PTPRK: variants seen among roughly 807,000 people sequenced by gnomAD.
PTPRK encodes the protein protein tyrosine phosphatase receptor type K.
PTPRK carries 75 observed loss-of-function variants against 178.0 expected under a neutral mutation model. The ratio of observed to expected loss-of-function variants is 0.42; its 90% CI spans 0.35 to 0.51. PTPRK has a LOEUF of 0.51. PTPRK is among the 20% of genes least tolerant of loss of function. PTPRK has a pLI of 0.02. For synonymous variants in PTPRK, 637 were observed against 620.6 expected, an observed-to-expected ratio of 1.03 and a Z score of -0.39; for missense variants, 1,441 against 1,797.8, an observed-to-expected ratio of 0.80 and a Z score of 3.59.
chr6:128,141,486 A>G (rs909799929), intron 7 of PTPRK, among the ~76,000 whole-genome samples: 6 of 151,890 alleles, frequency 4.0e-5, no homozygotes, highest in Admixed American at 1.3e-4. Flanking sequence ...TTAGTCATTC[A>G]CATATAACTT....
intron 1 of PTPRK, among the ~76,000 whole-genome samples, chr6:128,482,090 G>A (rs545216429): frequency 1.3e-5 from 2 of 152,036 alleles, no homozygotes; most frequent in Non-Finnish European, 2.9e-5. Context: ...TTTCTTTTTG[G>A]TTGTTTGTTT....
chr6:128,398,609 G>T (rs540308425), intron 1 of PTPRK, among the ~76,000 whole-genome samples: 1 of 152,168 alleles, frequency 6.6e-6, no homozygotes, highest in African/African-American at 2.4e-5. Flanking sequence ...TGCTTTAAAA[G>T]AACTCTTTGA....
chr6:128,058,981 C>CGT (rs1235106954), intron 13 of PTPRK, among the ~76,000 whole-genome samples: 1 of 151,888 alleles, frequency 6.6e-6, no homozygotes, highest in Non-Finnish European at 1.5e-5. Flanking sequence ...AAATGGTGAA[C>CGT]GTGTGTGTGC....
intron 5 of PTPRK, among the ~76,000 whole-genome samples, chr6:128,225,456 T>C (rs1222634608): frequency 1.3e-5 from 2 of 152,138 alleles, no homozygotes; most frequent in African/African-American, 2.4e-5. Flanking sequence ...GCCAAATTAA[T>C]CCCAAGGAAC....
At chr6:128,392,591 A>T (rs1269788054) in intron 2 of PTPRK, among the ~76,000 whole-genome samples, 2 of 152,230 alleles carry the variant, frequency 1.3e-5, no homozygotes, top group African/African-American at 4.8e-5. Context: ...AAGCATAAAA[A>T]AATTGACAAA....
intron 7 of PTPRK, among the ~76,000 whole-genome samples, chr6:128,160,650 G>C (rs1798577120): frequency 6.6e-6 from 1 of 151,580 alleles, no homozygotes; most frequent in South Asian, 2.1e-4. Context: ...CTGTAATGGA[G>C]ACAACAAAAC....
intron 5 of PTPRK, chr6:128,235,655 T>C: frequency 4.3e-6 from 2 of 463,688 alleles, no homozygotes; most frequent in African/African-American, 2.0e-5. Flanking sequence ...TAAATTGCAC[T>C]CCACTCTGAG....
chr6:128,357,388 T>C (rs1224578003), intron 2 of PTPRK, among the ~76,000 whole-genome samples: 3 of 152,168 alleles, frequency 2.0e-5, no homozygotes, highest in African/African-American at 7.2e-5. Context: ...ATCACAGACC[T>C]CTGATTACCA....
At chr6:128,204,182 C>T (rs1806499161) in intron 6 of PTPRK, among the ~76,000 whole-genome samples, 1 of 152,112 alleles carries the variant, frequency 6.6e-6, no homozygotes, top group Non-Finnish European at 1.5e-5. Context: ...GAGAGGATTC[C>T]CTATTTAATA....
chr6:128,101,972 T>G (rs769066860), intron 7 of PTPRK, among the ~76,000 whole-genome samples: 3 of 152,194 alleles, frequency 2.0e-5, no homozygotes, highest in Admixed American at 6.5e-5. Context: ...AATGTTTTAA[T>G]CTGTACCTTT....
rs560804692 is a variant in PTPRK, at chr6:128,311,301, T to C, written c.495+10738A>G. On this transcript the variant is annotated intron_variant, in intron 3 of 29. Coordinates refer to ENST00000368226, the MANE Select transcript of PTPRK (RefSeq NM_002844.4). ...GTGTGGATGTCCAGTAAATGCTGTG[T>C]TATGGGCCCCTTTGATCTGCTGAAT... is the stretch of plus-strand genomic sequence containing the variant. Among the ~76,000 whole-genome samples the C allele has an allele frequency of 6.6e-5, 10 of 152,246 alleles. No individual in the cohort carries two copies. The East Asian group carries it at 1.5e-3, about 24-fold the overall frequency.
At chr6:128,415,857 A>G (rs1842790559) in intron 1 of PTPRK, among the ~76,000 whole-genome samples, 1 of 152,202 alleles carries the variant, frequency 6.6e-6, no homozygotes, top group Non-Finnish European at 1.5e-5. Flanking sequence ...AAAATTTAAA[A>G]AAAAATTCCA....
chr6:128,224,184 T>G (rs1810887687), intron 5 of PTPRK, among the ~76,000 whole-genome samples: 1 of 152,150 alleles, frequency 6.6e-6, no homozygotes, highest in Admixed American at 6.5e-5. Flanking sequence ...ATCCAAGGGA[T>G]TATAACCTAG....
At chr6:128,450,169 G>T (rs1309901875) in intron 1 of PTPRK, among the ~76,000 whole-genome samples, 1 of 151,574 alleles carries the variant, frequency 6.6e-6, no homozygotes, top group Non-Finnish European at 1.5e-5. Context: ...TATAAGCAGA[G>T]AAATGATATT....
intron 7 of PTPRK, among the ~76,000 whole-genome samples, chr6:128,165,666 G>C (rs1285590659): frequency 2.0e-5 from 3 of 151,118 alleles, no homozygotes; most frequent in Non-Finnish European, 3.0e-5. Flanking sequence ...TAAAATTATG[G>C]AGCTGTTCAT....
intron 3 of PTPRK, among the ~76,000 whole-genome samples, chr6:128,252,525 T>C (rs943424078): frequency 6.6e-6 from 1 of 152,208 alleles, no homozygotes; most frequent in Non-Finnish European, 1.5e-5. Flanking sequence ...GAACTGAGAA[T>C]GAATAACTTT....
intron 11 of PTPRK, among the ~76,000 whole-genome samples, chr6:128,074,524 T>C (rs1783424120): frequency 6.6e-6 from 1 of 152,088 alleles, no homozygotes; most frequent in African/African-American, 2.4e-5. Context: ...TTCTAGGGAA[T>C]TGATTCTAAA....
At chr6:128,252,914 A>T (rs1413365547) in intron 3 of PTPRK, among the ~76,000 whole-genome samples, 2 of 152,164 alleles carry the variant, frequency 1.3e-5, no homozygotes, top group Non-Finnish European at 2.9e-5. Context: ...CCACAAACTC[A>T]CTACCTTGCT....
intron 7 of PTPRK, among the ~76,000 whole-genome samples, chr6:128,100,776 T>C (rs984957305): frequency 1.3e-5 from 2 of 151,858 alleles, no homozygotes; most frequent in Non-Finnish European, 2.9e-5. Context: ...CAAAAGTAAG[T>C]GTTAGAGCAT....
Sources: gnomAD v4.1 joint callset for allele counts (sites outside exome capture counted in the v4.1 genomes callset) on GRCh38, gnomAD v4.1.1 for gene constraint, MANE v1.5 for transcripts, NCBI Gene and HGNC (gene_info 2026-07-23, HGNC 2026-07-21) for gene names.